UNC80: variants seen among roughly 807,000 people sequenced by gnomAD.
UNC80 encodes unc-80 subunit of NALCN channel complex, also known as protein unc-80 homolog.
UNC80 carries 164 observed loss-of-function variants against 384.6 expected under a neutral mutation model. The ratio of observed to expected loss-of-function variants is 0.43; its 90% confidence interval spans 0.38 to 0.49. The LOEUF is 0.49. Among genes scored for constraint, UNC80 ranks in the 20% least tolerant of loss-of-function variants. UNC80 has a pLI of 0.00. For missense variants in UNC80, 3,330 were observed against 4,143.0 expected (o/e 0.80, Z 5.39); for synonymous variants, 1,486 against 1,527.8 (o/e 0.97, Z 0.64).
At position 209,793,807 on chromosome 2, in the gene UNC80, G is replaced by C; in HGVS notation, c.886G>C (p.Asp296His). Residue 296 changes from aspartate to histidine, a missense_variant, in exon 7 of 65, where the codon GAT becomes CAT. By Grantham distance (81) the Asp-to-His change is moderately conservative. Transcript: ENST00000673920. ...ISGCHRGNSF[D>H]GSLSSQTSQE... ...AGGCTGTCACCGAGGAAACTCCTTTGATGGAAGTCTGTCCTCCCAAACTTC... is the reference window on the plus strand; with the variant it reads ...AGGCTGTCACCGAGGAAACTCCTTTCATGGAAGTCTGTCCTCCCAAACTTC... 1.2e-6 allele frequency: 2 copies of C among 1,614,110 alleles called. No individual in the cohort carries two copies. The highest frequency in any genetic ancestry group is 1.7e-6 in the Non-Finnish European group (2 of 1,179,982).
intron 31 of UNC80, among the ~76,000 whole-genome samples, chr2:209,916,560 G>C (rs900769591): frequency 6.6e-5 from 10 of 152,116 alleles, no homozygotes; most frequent in African/African-American, 2.4e-4. Flanking sequence ...AAGGAAAGGA[G>C]AAAGAGTGGA....
chr2:209,877,245 A>G (rs2084861057), intron 23 of UNC80, among the ~76,000 whole-genome samples: 1 of 152,188 alleles, frequency 6.6e-6, no homozygotes, highest in Non-Finnish European at 1.5e-5. Context: ...TTCCTTTGAT[A>G]AACCAGACAA....
intron 49 of UNC80, 29 bp from the exon 50 acceptor site, chr2:209,959,089 AG>A (rs1335738311): frequency 1.9e-6 from 3 of 1,550,014 alleles, no homozygotes; most frequent in Non-Finnish European, 2.6e-6. Context: ...TTGCTCTAAT[AG>A]TTATGTAGAC....
intron 42 of UNC80, among the ~76,000 whole-genome samples, chr2:209,938,706 CTCTCTGTGTG>C (rs2091419251): frequency 1.4e-5 from 2 of 140,790 alleles, no homozygotes; most frequent in African/African-American, 5.9e-5. Flanking sequence ...CTCTCTCTCT[CTCTCTGTGTG>C]TGTGTGTGTG....
At chr2:209,951,451 C>T (rs989191498) in intron 47 of UNC80, 1 of 152,108 alleles carries the variant, frequency 6.6e-6, no homozygotes, top group Non-Finnish European at 1.5e-5. Context: ...GCATGCACCA[C>T]CACACCCAGC....
chr2:209,995,304 A>G, intron 64 of UNC80, 25 bp from the exon 65 acceptor site: 1 of 1,549,918 alleles, frequency 6.5e-7, no homozygotes, highest in Non-Finnish European at 8.7e-7. Flanking sequence ...ATCTTTCCAT[A>G]ATGTTATGAT....
At position 209,964,035 on chromosome 2, in the gene UNC80, A is replaced by G. The variant is rs62201600; in HGVS notation, c.7806-3402A>G. Among the ~76,000 whole-genome samples the G allele has an allele frequency of 4.5e-3, 678 of 152,338 alleles. 4 individuals carry two copies. The highest frequency in any genetic ancestry group is 5.7e-3 in the Non-Finnish European group (390 of 68,028). ...GAACAATCTAAATAATCAGAGAGGT[A>G]GTGGCCTTGGCTGTGATTCCTAAAC... On this transcript the variant is annotated intron_variant, in intron 51 of 64. Transcript: ENST00000673920.
At chr2:209,912,401 A>C (rs541680267) in intron 29 of UNC80, among the ~76,000 whole-genome samples, 159 bp from the exon 30 acceptor site, 1 of 152,298 alleles carries the variant, frequency 6.6e-6, no homozygotes, top group African/African-American at 2.4e-5. Context: ...TTTATAAATA[A>C]ACTGCTTTTA....
intron 22 of UNC80, among the ~76,000 whole-genome samples, chr2:209,851,564 A>G (rs891367387): frequency 2.0e-5 from 3 of 152,116 alleles, no homozygotes; most frequent in Non-Finnish European, 4.4e-5. Context: ...TGTGACAGGC[A>G]TGGTTCTCTT....
intron 4 of UNC80, 118 bp downstream of exon 4, chr2:209,777,677 G>A (rs1478405619): frequency 8.9e-7 from 1 of 1,129,622 alleles, no homozygotes. Flanking sequence ...GCAAGTCAAG[G>A]CATGGAGAAC....
At position 209,995,727 on chromosome 2, in the gene UNC80, G is replaced by C; in HGVS notation, c.*132G>C. On this transcript the variant is annotated 3_prime_UTR_variant, in exon 65 of 65. Coordinates refer to ENST00000673920, the MANE Select transcript of UNC80 (RefSeq NM_001371986.1). Reference sequence around the variant, plus strand: ...TACTTCTAATGGGTGGCACAAATCTGAATAGGTTTTGCTGCCAATACACAT... The same window carrying C: ...TACTTCTAATGGGTGGCACAAATCTCAATAGGTTTTGCTGCCAATACACAT... The C allele has an allele frequency of 4.5e-6, 5 of 1,102,522 alleles. No individual in the cohort carries two copies. In the South Asian group the frequency reaches 8.3e-5, roughly 18 times the overall value. The allele number at this position is 1,102,522 out of a possible 1,614,324, so 68.3% of individuals were successfully genotyped here.
At position 209,829,372 on chromosome 2, in the gene UNC80, C is replaced by A. The variant is rs1410755678; in HGVS notation, c.2619C>A (p.Val873=). The A allele has an allele frequency of 3.2e-6, 5 of 1,551,152 alleles. No individual in the cohort carries two copies. The highest frequency in any genetic ancestry group is 3.5e-6 in the Non-Finnish European group (4 of 1,146,676). The change falls in exon 15 of 65, where the codon GTC becomes GTA. Residue 873 remains valine (V), a synonymous_variant. Transcript: ENST00000673920. ...HALLGFCMEP[V]TDNKAGFGNN... is the part of the protein sequence containing the mutation. ...TGCTAGGATTTTGTATGGAGCCGGT[C>A]ACTGACAGTAAGTAAAGCTGCACCC...
chr2:209,792,595 C>T (rs2077888163), intron 6 of UNC80, among the ~76,000 whole-genome samples: 1 of 152,180 alleles, frequency 6.6e-6, no homozygotes, highest in African/African-American at 2.4e-5. Flanking sequence ...GATCCGCCCA[C>T]CTCTGCCTCC....
chr2:209,896,546 T>C, intron 28 of UNC80, 133 bp downstream of exon 28: 1 of 765,376 alleles, frequency 1.3e-6, no homozygotes, highest in South Asian at 1.6e-5. Context: ...GGGGCTTATG[T>C]TTTACCTGAA....
chr2:209,775,367 G>C (rs2076807295), intron 2 of UNC80, among the ~76,000 whole-genome samples: 1 of 152,170 alleles, frequency 6.6e-6, no homozygotes, highest in Non-Finnish European at 1.5e-5. Flanking sequence ...ATTAGGTAGA[G>C]AGTGTTCTGT....
At chr2:209,821,802 T>C (rs969232065) in intron 13 of UNC80, among the ~76,000 whole-genome samples, 2 of 152,192 alleles carry the variant, frequency 1.3e-5, no homozygotes, top group South Asian at 2.1e-4. Flanking sequence ...GGAAATGATA[T>C]TCAGAAATTG....
intron 7 of UNC80, among the ~76,000 whole-genome samples, chr2:209,794,196 T>A (rs1223770337): frequency 6.6e-6 from 1 of 152,196 alleles, no homozygotes; most frequent in Non-Finnish European, 1.5e-5. Flanking sequence ...TATAAGAATA[T>A]TTTATACCGC....
At chr2:209,805,628 A>C (rs1574515658) in intron 7 of UNC80, among the ~76,000 whole-genome samples, 2 of 152,258 alleles carry the variant, frequency 1.3e-5, no homozygotes, top group East Asian at 3.8e-4. Flanking sequence ...AGGGCTGCTC[A>C]TAACATAGAA....
At position 209,788,872 on chromosome 2, in the gene UNC80, C is replaced by T. The variant is rs1413013927; in HGVS notation, c.725-660C>T. ...TTCACTCACTACTCACTCACTGACT[C>T]ACCCAGAGCAACACCCATTCCTGCA... is the stretch of plus-strand genomic sequence containing the variant. On this transcript the variant is annotated intron_variant, in intron 5 of 64. Coordinates refer to ENST00000673920, the MANE Select transcript of UNC80 (RefSeq NM_001371986.1). 2.0e-5 allele frequency among the ~76,000 whole-genome samples: 3 copies of T among 152,220 alleles called. No homozygotes were observed. The East Asian group carries it at 5.8e-4, about 29-fold the overall frequency.
Sources: gnomAD v4.1 joint callset for allele counts (sites outside exome capture counted in the v4.1 genomes callset) on GRCh38, gnomAD v4.1.1 for gene constraint, MANE v1.5 for transcripts, NCBI Gene and HGNC (gene_info 2026-07-23, HGNC 2026-07-21) for gene names.